Variants in NIN observed in about 807,000 individuals in gnomAD.
The protein encoded by NIN is glycogen synthase kinase 3 beta-interacting protein.
A neutral mutation model predicts 257.6 loss-of-function variants in NIN; 137 were observed. The ratio of observed to expected loss-of-function variants is 0.53; its 90% CI spans 0.46 to 0.61. The LOEUF (loss-of-function observed/expected upper bound fraction) is 0.61. Ranked by LOEUF, NIN falls within the 20% of genes least tolerant of loss-of-function variation. The pLI, the probability that NIN is intolerant of heterozygous loss-of-function variation, is 0.00. For synonymous variants in NIN, 918 were observed against 919.8 expected, an observed-to-expected ratio of 1.00 and a Z score of 0.04; for missense variants, 2,439 against 2,501.2, an observed-to-expected ratio of 0.98 and a Z score of 0.53.
intron 23 of NIN, among the ~76,000 whole-genome samples, 190 bp downstream of exon 23, chr14:50,744,053 C>A (rs1236246759): frequency 1.3e-5 from 2 of 151,970 alleles, no homozygotes; most frequent in African/African-American, 4.8e-5. Flanking sequence ...AATTAGTAAA[C>A]AACTAATTTA....
At position 50,754,886 on chromosome 14, in the gene NIN, A is replaced by C. The variant is rs1186919404; in HGVS notation, c.4539-19T>G. The C allele has an allele frequency of 6.5e-7, 1 of 1,529,590 alleles. No individual in the cohort carries two copies. The highest frequency in any genetic ancestry group is 8.8e-7 in the Non-Finnish European group (1 of 1,139,744). The allele number at this position is 1,529,590 out of a possible 1,614,324, so 94.8% of individuals were successfully genotyped here. A position where few individuals can be genotyped will look rare whatever the true frequency, so the allele number is the denominator to read the frequency against. ...TTCATATCTGAAGCACAGAGATTGA[A>C]AAAAATTGTTACAAGGCAGTCATCT... On this transcript the variant is annotated intron_variant, in intron 18 of 30. Coordinates refer to ENST00000530997, the MANE Select transcript of NIN (RefSeq NM_020921.4).
Position 50,823,092 on chromosome 14 carries a change from A to G in NIN, c.-21-1015T>C, listed in dbSNP as rs73299327. 2,466 of 458,150 alleles carry G rather than the reference A, an allele frequency of 5.4e-3. 56 individuals carry two copies. The highest frequency in any genetic ancestry group is 0.046 in the African/African-American group (2,268 of 49,236). The allele number at this position is 458,150 out of a possible 1,614,324, so 28.4% of individuals were successfully genotyped here. On this transcript the variant is annotated intron_variant, in intron 2 of 30. Coordinates refer to ENST00000530997, the MANE Select transcript of NIN (RefSeq NM_020921.4). ...ACTTGGAGACGTCAATAACTGAGTC[A>G]TTTTTGTTAAAAATATACATCATAA...
intron 22 of NIN, among the ~76,000 whole-genome samples, chr14:50,746,086 T>TGGG (rs2041525080): frequency 1.3e-5 from 2 of 150,778 alleles, no homozygotes; most frequent in South Asian, 4.2e-4. Context: ...ATCCCCATCA[T>TGGG]GTTGTTTTTC....
rs376655172 is a variant in NIN at position 50,766,884 on chromosome 14, T to A, written c.1441A>T (p.Ser481Cys). ...TCTAGAAGCTCATTTTCCAGACGAC[T>A]GTTTTCCTGAACAAGTATGGGGAAA... ...DRLALSLKEN[S>C]RLENELLENA... The change falls in exon 13 of 31, where the codon AGT becomes TGT. Residue 481 changes from serine (S) to cysteine (C), a missense_variant. Ser to Cys is a moderately radical substitution (Grantham distance 112, BLOSUM62 -1). Coordinates refer to ENST00000530997, the MANE Select transcript of NIN (RefSeq NM_020921.4). The A allele has an allele frequency of 7.5e-6, 12 of 1,610,262 alleles. No homozygotes were observed. Among genetic ancestry groups the A allele is most frequent in the Non-Finnish European group, 9.3e-6 (11 of 1,176,912 alleles).
At chr14:50,735,467 A>G (rs1388142085) in intron 28 of NIN, 49 bp downstream of exon 28, 1 of 1,591,598 alleles carries the variant, frequency 6.3e-7, no homozygotes, top group Non-Finnish European at 8.5e-7. Flanking sequence ...TACCTCATTC[A>G]TGGATTAACA....
chr14:50,790,286 G>A (rs1205699920), intron 5 of NIN, among the ~76,000 whole-genome samples: 1 of 152,148 alleles, frequency 6.6e-6, no homozygotes, highest in Non-Finnish European at 1.5e-5. Flanking sequence ...GAACTCCTGG[G>A]CTCAAGTGAT....
Position 50,757,892 on chromosome 14 carries a change from TCCTTCCA to T in NIN, c.3131_3137del (p.Val1044GlufsTer23), listed in dbSNP as rs1429691689. ...GCTGAAGCAGGGACAGGGCTCCATC[TCCTTCCA>T]CCTCCTCCTCTCCTATCACCTGGCA... On this transcript the variant is annotated frameshift_variant, in exon 18 of 31. Transcript: ENST00000530997. LOFTEE classifies it high-confidence loss of function. The T allele has an allele frequency of 6.2e-7, 1 of 1,614,152 alleles. No individual in the cohort carries two copies.
At chr14:50,778,552 G>A (rs2043007168) in intron 6 of NIN, among the ~76,000 whole-genome samples, 1 of 152,214 alleles carries the variant, frequency 6.6e-6, no homozygotes, top group Non-Finnish European at 1.5e-5. Flanking sequence ...TAGCCCGTAA[G>A]TAAAATTATA....
intron 27 of NIN, among the ~76,000 whole-genome samples, chr14:50,737,297 G>A (rs1404213678): frequency 6.6e-6 from 1 of 152,046 alleles, no homozygotes. Flanking sequence ...AGGAACAGCA[G>A]CCTCTTGCTA....
rs781141941 is a variant in NIN at position 50,758,038 on chromosome 14, A to G, written c.2992T>C (p.Cys998Arg). 5.6e-6 allele frequency: 9 copies of G among 1,614,212 alleles called. 1 individual carries two copies. The South Asian group carries it at 8.8e-5, about 16-fold the overall frequency. The change falls in exon 18 of 31, where the codon TGT becomes CGT. Residue 998 changes from cysteine to arginine, a missense_variant. Physicochemically the swap from Cys to Arg is radical, Grantham distance 180. Coordinates refer to ENST00000530997, the MANE Select transcript of NIN (RefSeq NM_020921.4). ...GCTCTTTCTCGATCTGCTGTCTCAC[A>G]GGTCGCTTTGTGAATGTTCTCCATG... ...LAMENIHKAT[C>R]ETADRERAEM...
intron 28 of NIN, chr14:50,730,942 C>T (rs772568410): frequency 1.5e-6 from 2 of 1,347,772 alleles, no homozygotes; most frequent in East Asian, 9.1e-5. Flanking sequence ...CTATCTCAGG[C>T]AGAGAACTGC....
rs769499880 is a variant in NIN at position 50,754,640 on chromosome 14, G to T, written c.4665-8C>A. 6.2e-7 allele frequency: 1 copy of T among 1,605,304 alleles called. No homozygotes were observed. The highest frequency in any genetic ancestry group is 8.5e-7 in the Non-Finnish European group (1 of 1,176,550). Reference sequence around the variant, plus strand: ...ACAGTTTCCGTTTTTTGCCTAAAAGGAATGATGAAAATAAAATTTAATGGT... The same window carrying T: ...ACAGTTTCCGTTTTTTGCCTAAAAGTAATGATGAAAATAAAATTTAATGGT... On this transcript the variant is annotated splice_polypyrimidine_tract_variant and splice_region_variant and intron_variant, in intron 19 of 30. Coordinates refer to ENST00000530997, the MANE Select transcript of NIN (RefSeq NM_020921.4).
At chr14:50,806,971 G>T (rs1008453346) in intron 3 of NIN, among the ~76,000 whole-genome samples, 153 bp from the exon 4 acceptor site, 2 of 152,138 alleles carry the variant, frequency 1.3e-5, no homozygotes, top group Admixed American at 6.5e-5. Flanking sequence ...TCTAAAGACA[G>T]AAGGGAAAAT....
At chr14:50,797,090 T>C (rs1261328621) in intron 4 of NIN, among the ~76,000 whole-genome samples, 1 of 152,192 alleles carries the variant, frequency 6.6e-6, no homozygotes, top group Admixed American at 6.5e-5. Context: ...TCCTGGAAGT[T>C]AAAGGAGATT....
chr14:50,756,985 C>T lies in NIN; in HGVS notation c.4045G>A (p.Glu1349Lys), dbSNP rs1595784684. 2.2e-5 allele frequency: 35 copies of T among 1,613,102 alleles called. No homozygotes were observed. The East Asian group carries it at 7.8e-4, about 36-fold the overall frequency. The part of the protein sequence containing the change: ...VVQRCDCCLW[E>K]ASLENLEIEP... Reference sequence around the variant, plus strand: ...ATTTCCAGGTTCTCTAAACTGGCTTCCCATAAGCAGCAGTCACACCGCTGG... The same window carrying T: ...ATTTCCAGGTTCTCTAAACTGGCTTTCCATAAGCAGCAGTCACACCGCTGG... Residue 1349 changes from glutamate to lysine, a missense_variant, in exon 18 of 31, where the codon GAA becomes AAA. Coordinates refer to ENST00000530997, the MANE Select transcript of NIN (RefSeq NM_020921.4).
chr14:50,798,422 G>GA (rs1432392191), intron 4 of NIN, among the ~76,000 whole-genome samples: 1 of 152,176 alleles, frequency 6.6e-6, no homozygotes, highest in Non-Finnish European at 1.5e-5. Flanking sequence ...ACCACCCCCC[G>GA]AAGGTGCCTA....
At chr14:50,809,441 G>C (rs892060242) in intron 3 of NIN, among the ~76,000 whole-genome samples, 1 of 152,104 alleles carries the variant, frequency 6.6e-6, no homozygotes, top group African/African-American at 2.4e-5. Flanking sequence ...CTCTCTTAAG[G>C]ATATTAATGG....
At chr14:50,819,216 G>A (rs144368879) in intron 3 of NIN, among the ~76,000 whole-genome samples, 73 of 152,304 alleles carry the variant, frequency 4.8e-4, no homozygotes, top group African/African-American at 1.7e-3. Flanking sequence ...TACTAATGCA[G>A]CCAAAAGCCA....
Position 50,792,701 on chromosome 14 carries a change from C to T in NIN, c.435+11G>A, listed in dbSNP as rs781155044. 8 of 1,613,942 alleles carry T rather than the reference C, an allele frequency of 5.0e-6. No individual in the cohort carries two copies. Among genetic ancestry groups the T allele is most frequent in the East Asian group, 2.2e-5 (1 of 44,898 alleles). The stretch of plus-strand genomic sequence containing the variant: ...CATGATCCAGATGAACGTGCATGCC[C>T]GATTCCTTACCTCACTGCAGTCACC... On this transcript the variant is annotated intron_variant, in intron 5 of 30. Transcript: ENST00000530997.
Sources: gnomAD v4.1 joint callset for allele counts (sites outside exome capture counted in the v4.1 genomes callset) on GRCh38, gnomAD v4.1.1 for gene constraint, MANE v1.5 for transcripts, NCBI Gene and HGNC (gene_info 2026-07-23, HGNC 2026-07-21) for gene names.